TAF4: variants seen among roughly 807,000 people sequenced by gnomAD.
The protein encoded by TAF4 is transcription initiation factor TFIID subunit 4.
In TAF4, 9 loss-of-function variants were observed where a neutral mutation model predicts 90.3. The ratio of observed to expected loss-of-function variants is 0.10; its 90% CI spans 0.06 to 0.17. The LOEUF is 0.17. TAF4 is among the 10% of genes least tolerant of loss of function. The probability of loss-of-function intolerance (pLI) is 1.00; values close to 1 mark genes in which losing one functional copy is unlikely to be tolerated. For missense variants in TAF4, 1,351 were observed against 1,370.7 expected (o/e 0.99, Z 0.23); for synonymous variants, 818 against 638.9 (o/e 1.28, Z -4.23).
intron 1 of TAF4, among the ~76,000 whole-genome samples, chr20:62,062,181 A>T (rs796391666): frequency 1.3e-5 from 2 of 152,236 alleles, no homozygotes; most frequent in African/African-American, 4.8e-5. Context: ...TAACCAAGCA[A>T]GAGTTATTTT....
rs768208421 is a variant in TAF4 at position 62,006,768 on chromosome 20, A to C, written c.1975-10T>G. ...AGGCGGGTAAGCTCCTCTGGGTGGA[A>C]AGACAGACACGAGGGGTCAGGCGGC... On this transcript the variant is annotated splice_polypyrimidine_tract_variant and intron_variant, in intron 6 of 14. Transcript: ENST00000252996. This position sits in a 1 kb window ranked among gnomAD's most constrained non-coding sequence, Gnocchi z 7.0. 1.1e-5 allele frequency: 16 copies of C among 1,486,590 alleles called. No homozygotes were observed. The highest frequency in any genetic ancestry group is 4.4e-5 in the Admixed American group (2 of 45,022). 92.1% of individuals were successfully genotyped at this position (1,486,590 alleles called of 1,614,324 possible).
chr20:62,036,184 C>G (rs6061974), intron 1 of TAF4, among the ~76,000 whole-genome samples: 9 of 152,238 alleles, frequency 5.9e-5, no homozygotes, highest in South Asian at 4.1e-4. Context: ...CCATCACAAC[C>G]GGCTAATTTT....
intron 1 of TAF4, among the ~76,000 whole-genome samples, chr20:62,047,345 C>A (rs2055999280): frequency 6.6e-6 from 1 of 152,126 alleles, no homozygotes; most frequent in African/African-American, 2.4e-5. Flanking sequence ...GAAACACTGA[C>A]CTTCTAGAAA....
chr20:62,017,923 T>C (rs752978253), intron 1 of TAF4, among the ~76,000 whole-genome samples: 29 of 151,738 alleles, frequency 1.9e-4, no homozygotes, highest in Non-Finnish European at 3.8e-4. Flanking sequence ...GTGGTTAAAA[T>C]TCTAACAAAA....
At chr20:62,019,287 C>T (rs1021735343) in intron 1 of TAF4, among the ~76,000 whole-genome samples, 2 of 152,238 alleles carry the variant, frequency 1.3e-5, no homozygotes, top group Middle Eastern at 3.2e-3. Flanking sequence ...GTAAGGACCA[C>T]GGAGGCCACC....
At chr20:62,012,683 C>G in intron 3 of TAF4, 132 bp downstream of exon 3, 1 of 1,255,806 alleles carries the variant, frequency 8.0e-7, no homozygotes, top group Non-Finnish European at 1.0e-6. Flanking sequence ...TCACAGAGAA[C>G]CTTCCTCCCC....
At chr20:62,018,842 T>C (rs956442399) in intron 1 of TAF4, among the ~76,000 whole-genome samples, 5 of 152,212 alleles carry the variant, frequency 3.3e-5, no homozygotes, top group African/African-American at 1.2e-4. Context: ...CCAACCAAGA[T>C]GGGCAATTCC....
At chr20:61,978,142 GGAGGGCGCGAGA>G in intron 14 of TAF4, among the ~76,000 whole-genome samples, 1 of 33,704 alleles carries the variant, frequency 3.0e-5, no homozygotes. Context: ...ACCAACCAAG[GGAGGGCGCGAGA>G]CCAACCAAGG....
chr20:62,050,435 C>T (rs1352947148), intron 1 of TAF4, among the ~76,000 whole-genome samples: 1 of 152,162 alleles, frequency 6.6e-6, no homozygotes, highest in African/African-American at 2.4e-5. Flanking sequence ...CGCCACAATG[C>T]CTGCTTGTGC....
Position 62,006,531 on chromosome 20 carries a change from C to CTTGCCG in TAF4, c.2196_2201dup (p.Gly733_Lys734insAsnGly). On this transcript the variant is annotated inframe_insertion, in exon 7 of 15. Transcript: ENST00000252996. The surrounding 1 kb of genome is among the most constrained non-coding windows in gnomAD (Gnocchi z 7.0). Reference sequence around the variant, plus strand: ...ATACCAGCGGTGTGGGTTGCCCCTGCTTGCCGACGCCGACCTGCGTGGGCT... The same window carrying CTTGCCG: ...ATACCAGCGGTGTGGGTTGCCCCTGCTTGCCGTTGCCGACGCCGACCTGCGTGGGCT... The CTTGCCG allele has an allele frequency of 2.6e-6, 4 of 1,544,722 alleles. No individual in the cohort carries two copies. Among genetic ancestry groups the CTTGCCG allele is most frequent in the Non-Finnish European group, 3.5e-6 (4 of 1,146,398 alleles).
chr20:61,989,456 C>T (rs1199827277), intron 14 of TAF4, among the ~76,000 whole-genome samples: 1 of 152,206 alleles, frequency 6.6e-6, no homozygotes, highest in African/African-American at 2.4e-5. Context: ...GCCCACCAAA[C>T]ACAACAGGGG....
At chr20:61,982,195 C>CA (rs1263479918) in intron 14 of TAF4, among the ~76,000 whole-genome samples, 2 of 250 alleles carry the variant, frequency 8.0e-3, no homozygotes, top group African/African-American at 0.032. Flanking sequence ...CAAACCCACA[C>CA]CCCACCCGAG....
At chr20:62,041,001 T>C (rs1477192168) in intron 1 of TAF4, among the ~76,000 whole-genome samples, 2 of 152,316 alleles carry the variant, frequency 1.3e-5, no homozygotes, top group African/African-American at 4.8e-5. Flanking sequence ...CCCATAAAAA[T>C]AACAAACTGT....
chr20:62,000,709 G>A lies in TAF4; in HGVS notation c.2499C>T (p.Asp833=), dbSNP rs747657648. The change falls in exon 10 of 15, where the codon GAC becomes GAT. Residue 833 remains aspartate (D), a synonymous_variant. Transcript: ENST00000252996. The part of the protein sequence containing the change: ...PGGGSFRDDD[D]INDVASMAGV... ...CAGCCATCGATGCAACATCATTAAT[G>A]TCATCATCGTCCCTTGAGGAAAGAA... The A allele has an allele frequency of 1.9e-6, 3 of 1,614,238 alleles. No homozygotes were observed. Among genetic ancestry groups the A allele is most frequent in the South Asian group, 1.1e-5 (1 of 91,090 alleles).
intron 1 of TAF4, among the ~76,000 whole-genome samples, chr20:62,063,395 C>T (rs1302954555): frequency 6.6e-6 from 1 of 152,146 alleles, no homozygotes; most frequent in Non-Finnish European, 1.5e-5. Context: ...GCACGGCACG[C>T]GTCACCACAG....
chr20:62,040,679 G>C (rs1369097039), intron 1 of TAF4, among the ~76,000 whole-genome samples: 1 of 152,210 alleles, frequency 6.6e-6, no homozygotes, highest in African/African-American at 2.4e-5. Context: ...AAACAGAAAA[G>C]CCTGGCCACG....
At chr20:61,998,530 C>T (rs900295757) in intron 12 of TAF4, among the ~76,000 whole-genome samples, 7 of 152,142 alleles carry the variant, frequency 4.6e-5, no homozygotes, top group African/African-American at 9.7e-5. Context: ...ACACCAGGGA[C>T]GGGACAGCCT....
chr20:62,003,512 A>C (rs1028975706), intron 8 of TAF4, among the ~76,000 whole-genome samples: 1 of 152,246 alleles, frequency 6.6e-6, no homozygotes, highest in African/African-American at 2.4e-5. Flanking sequence ...ATTACAGATA[A>C]AGAAGCTAAC....
At chr20:62,036,508 G>A (rs1283866856) in intron 1 of TAF4, among the ~76,000 whole-genome samples, 1 of 152,172 alleles carries the variant, frequency 6.6e-6, no homozygotes, top group Admixed American at 6.5e-5. Context: ...AAGACAAACT[G>A]CAAGGAAATG....
Sources: allele counts gnomAD v4.1 joint callset (sites outside exome capture counted in the v4.1 genomes callset), GRCh38; gene constraint gnomAD v4.1.1; non-coding constraint Gnocchi (gnomAD v3.1); transcripts MANE v1.5; gene names NCBI Gene and HGNC (gene_info 2026-07-23, HGNC 2026-07-21).